The following IGF1 variants were observed in gnomAD, a reference collection of about 807,000 sequenced individuals.
IGF1 encodes the protein insulin-like growth factor 1.
In IGF1, 4 loss-of-function variants were observed where a neutral mutation model predicts 13.8. The ratio of observed to expected loss-of-function variants is 0.29; its 90% CI spans 0.14 to 0.66. The LOEUF (loss-of-function observed/expected upper bound fraction) is 0.66, where lower values mean the gene tolerates loss of function less well. Among genes scored for constraint, IGF1 ranks in the 30% least tolerant of loss-of-function variants. The pLI is 0.78. For missense variants in IGF1, 124 were observed against 188.5 expected, an observed-to-expected ratio of 0.66 and a Z score of 2.00; for synonymous variants, 76 against 72.6, an observed-to-expected ratio of 1.05 and a Z score of -0.23.
At chr12:102,464,540 TAGAG>T (rs996708029) in intron 2 of IGF1, among the ~76,000 whole-genome samples, 2 of 150,458 alleles carry the variant, frequency 1.3e-5, no homozygotes, top group African/African-American at 4.9e-5. Context: ...CAAGATAAAA[TAGAG>T]AGAATGAAAA....
chr12:102,436,649 T>C (rs965364421), intron 2 of IGF1, among the ~76,000 whole-genome samples: 62 of 152,176 alleles, frequency 4.1e-4, no homozygotes, highest in African/African-American at 7.0e-4. Flanking sequence ...TGATTGCCCA[T>C]AGAACCACAG....
At chr12:102,407,457 G>A (rs1874274369) in intron 3 of IGF1, among the ~76,000 whole-genome samples, 1 of 152,160 alleles carries the variant, frequency 6.6e-6, no homozygotes, top group Non-Finnish European at 1.5e-5. Flanking sequence ...TCAGGGATAA[G>A]TACTACTGTC....
chr12:102,417,965 C>T (rs1271402807), intron 3 of IGF1: 2 of 1,613,498 alleles, frequency 1.2e-6, no homozygotes, highest in East Asian at 2.2e-5. Flanking sequence ...CTTTCCTTCT[C>T]TGAGACTTCG....
intron 2 of IGF1, among the ~76,000 whole-genome samples, chr12:102,466,325 A>G (rs1183121009): frequency 6.6e-6 from 1 of 152,034 alleles, no homozygotes; most frequent in Non-Finnish European, 1.5e-5. Context: ...TCTTCTGGAG[A>G]CTTGTCTAGT....
chr12:102,402,659 G>T, intron 3 of IGF1, 93 bp from the exon 4 acceptor site: 1 of 766,640 alleles, frequency 1.3e-6, no homozygotes. Context: ...CATGTCTTAC[G>T]CCTTACCAGT....
At chr12:102,462,524 G>C (rs775449956) in intron 2 of IGF1, among the ~76,000 whole-genome samples, 25 of 152,142 alleles carry the variant, frequency 1.6e-4, no homozygotes, top group Non-Finnish European at 3.5e-4. Context: ...TGGTAAGAGA[G>C]ATTTTCATAA....
chr12:102,469,633 A>G (rs553701564), intron 2 of IGF1, among the ~76,000 whole-genome samples: 1 of 152,312 alleles, frequency 6.6e-6, no homozygotes, highest in East Asian at 1.9e-4. Context: ...AGTGTTCAAA[A>G]TCAATTTAGT....
upstream of IGF1, chr12:102,480,747 C>T (rs1433583623): frequency 2.4e-6 from 1 of 418,556 alleles, no homozygotes; most frequent in Non-Finnish European, 4.1e-6. Flanking sequence ...AGCACAGAAG[C>T]ATTTTTTTCC....
intron 2 of IGF1, among the ~76,000 whole-genome samples, chr12:102,446,058 C>A (rs1476939809): frequency 6.6e-6 from 1 of 152,180 alleles, no homozygotes; most frequent in Non-Finnish European, 1.5e-5. Flanking sequence ...TATGTTGAAC[C>A]AGCCTTGCAT....
intron 3 of IGF1, among the ~76,000 whole-genome samples, chr12:102,412,153 T>G (rs1050869050): frequency 7.9e-5 from 12 of 152,254 alleles, no homozygotes; most frequent in Middle Eastern, 3.4e-3. Context: ...AAAACCAACT[T>G]ATTTCCACCC....
At chr12:102,464,959 G>A (rs182005448) in intron 2 of IGF1, among the ~76,000 whole-genome samples, 5 of 152,208 alleles carry the variant, frequency 3.3e-5, no homozygotes, top group African/African-American at 1.2e-4. Flanking sequence ...CACCTCGTGG[G>A]GAACAAAGTC....
chr12:102,475,723 G>C lies in IGF1; in HGVS notation c.140C>G (p.Thr47Arg), dbSNP rs527983684. The C allele has an allele frequency of 6.2e-7, 1 of 1,614,198 alleles. No homozygotes were observed. The highest frequency in any genetic ancestry group is 1.1e-5 in the South Asian group (1 of 91,080). ...CCCGCAGAGCGTCTCCGGTCCAGCC[G>C]TGGCAGAGCTGGTGAAGGTGAGCAG... Reference protein sequence around the residue: ...LCLLTFTSSATAGPETLCGAE... With the variant: ...LCLLTFTSSARAGPETLCGAE... Residue 47 changes from threonine (T) to arginine (R), a missense_variant, in exon 2 of 4, where the codon ACG becomes AGG. This residue lies in a region of IGF1 where 99 missense variants were observed against 171.4 expected (regional missense o/e 0.58). Transcript: ENST00000337514.
intron 1 of IGF1, among the ~76,000 whole-genome samples, chr12:102,476,338 A>G (rs1881036230): frequency 6.6e-6 from 1 of 151,918 alleles, no homozygotes; most frequent in African/African-American, 2.4e-5. Context: ...ATAATTTACT[A>G]TGGCCAAAAA....
intron 2 of IGF1, among the ~76,000 whole-genome samples, chr12:102,455,664 C>T (rs2137173207): frequency 6.6e-6 from 1 of 152,284 alleles, no homozygotes; most frequent in South Asian, 2.1e-4. Flanking sequence ...AATCAAAAGC[C>T]TCCATGAGGC....
rs190761290 is a variant in IGF1 at position 102,440,670 on chromosome 12, C to T, written c.221-20980G>A. On this transcript the variant is annotated intron_variant, in intron 2 of 3. Transcript: ENST00000337514. ...GCTGGACTGCAGGTGAAAAAATGAG[C>T]AAGGGAGAGCAGAAATTCTAACAGT... Among the ~76,000 whole-genome samples the T allele has an allele frequency of 1.6e-4, 25 of 152,166 alleles. No homozygotes were observed. The East Asian group carries it at 3.7e-3, about 22-fold the overall frequency.
At chr12:102,447,949 G>T (rs144745192) in intron 2 of IGF1, among the ~76,000 whole-genome samples, 10 of 152,218 alleles carry the variant, frequency 6.6e-5, no homozygotes, top group Non-Finnish European at 1.0e-4. Flanking sequence ...AAGAGCTTCT[G>T]CACAGCAAAA....
At chr12:102,456,977 G>A (rs564955467) in intron 2 of IGF1, among the ~76,000 whole-genome samples, 1 of 152,180 alleles carries the variant, frequency 6.6e-6, no homozygotes, top group East Asian at 1.9e-4. Flanking sequence ...AATTCCACAG[G>A]TATTATCTCT....
At chr12:102,441,008 T>C (rs78533184) in intron 2 of IGF1, among the ~76,000 whole-genome samples, 2 of 152,338 alleles carry the variant, frequency 1.3e-5, no homozygotes, top group Non-Finnish European at 2.9e-5. Flanking sequence ...AATTTACAAA[T>C]TTAATATTGT....
intron 2 of IGF1, among the ~76,000 whole-genome samples, chr12:102,461,177 T>G (rs1879868018): frequency 6.6e-6 from 1 of 152,170 alleles, no homozygotes; most frequent in Non-Finnish European, 1.5e-5. Context: ...TAAAAACTGG[T>G]CCTCTCTCAC....
Sources: allele counts gnomAD v4.1 joint callset (sites outside exome capture counted in the v4.1 genomes callset), GRCh38; gene constraint gnomAD v4.1.1; regional missense constraint gnomAD v4.1.1; transcripts MANE v1.5; gene names NCBI Gene and HGNC (gene_info 2026-07-23, HGNC 2026-07-21).